CELF2: variants seen among roughly 807,000 people sequenced by gnomAD.
CELF2 encodes CUGBP Elav-like family member 2, also known as CUG triplet repeat RNA-binding protein 2.
A neutral mutation model predicts 62.6 loss-of-function variants in CELF2; 8 were observed. The observed-to-expected ratio is 0.13, with a 90% confidence interval of 0.07 to 0.23. The LOEUF (loss-of-function observed/expected upper bound fraction) is 0.23. CELF2 is among the 10% of genes least tolerant of loss of function. The probability of loss-of-function intolerance (pLI) is 1.00; values close to 1 mark genes in which losing one functional copy is unlikely to be tolerated. For synonymous variants in CELF2, 258 were observed against 250.0 expected, an observed-to-expected ratio of 1.03 and a Z score of -0.30; for missense variants, 333 against 671.0, an observed-to-expected ratio of 0.50 and a Z score of 5.56.
chr10:10,968,514 T>G (rs1022052777), intron 2 of CELF2, among the ~76,000 whole-genome samples: 6 of 152,202 alleles, frequency 3.9e-5, no homozygotes, highest in Non-Finnish European at 8.8e-5. Context: ...ATGAGTATTG[T>G]ATATTTTATT....
intron 1 of CELF2, among the ~76,000 whole-genome samples, chr10:10,879,152 A>G (rs567616324): frequency 1.3e-5 from 2 of 152,234 alleles, no homozygotes; most frequent in Non-Finnish European, 2.9e-5. Flanking sequence ...CCTGCACGGC[A>G]GTGTACTTTC....
chr10:11,265,471 A>C (rs1264451071), intron 5 of CELF2, among the ~76,000 whole-genome samples: 2 of 152,260 alleles, frequency 1.3e-5, no homozygotes, highest in Admixed American at 1.3e-4. Flanking sequence ...TTTTAAAGTC[A>C]TTAGAGATCA....
chr10:10,838,851 G>C (rs2058482863), intron 1 of CELF2, among the ~76,000 whole-genome samples: 1 of 152,006 alleles, frequency 6.6e-6, no homozygotes, highest in Non-Finnish European at 1.5e-5. Flanking sequence ...CTATTTATTA[G>C]AAAATAGGCC....
chr10:10,942,626 C>G lies in CELF2; in HGVS notation c.89+22627C>G, dbSNP rs183847324. Among the ~76,000 whole-genome samples the G allele has an allele frequency of 3.2e-4, 48 of 152,262 alleles. No individual in the cohort carries two copies. The East Asian group carries it at 7.9e-3, about 25-fold the overall frequency. On this transcript the variant is annotated intron_variant, in intron 2 of 13. Transcript: ENST00000636488. ...CATGCCATCCCTGTTACTGCACTCT[C>G]TTCATTATAAATGAGTCATGAGGTT...
the CELF2 span, among the ~76,000 whole-genome samples, chr10:10,529,158 C>T: frequency 6.6e-6 from 1 of 152,196 alleles, no homozygotes; most frequent in African/African-American, 2.4e-5. Context: ...CAGAGTCTAG[C>T]AATGCAGACA....
At chr10:10,576,513 T>A in the CELF2 span, among the ~76,000 whole-genome samples, 1 of 152,194 alleles carries the variant, frequency 6.6e-6, no homozygotes, top group South Asian at 2.1e-4. Flanking sequence ...GAGTCTACTT[T>A]AATTTGCATT....
chr10:11,111,048 C>A (rs1258546295), intron 1 of CELF2, among the ~76,000 whole-genome samples: 2 of 152,198 alleles, frequency 1.3e-5, no homozygotes, highest in South Asian at 2.1e-4. Flanking sequence ...ACTCTCCACC[C>A]TTTTCCATCC....
chr10:11,025,239 G>GTATATATATATATA (rs71378775), intron 1 of CELF2, among the ~76,000 whole-genome samples: 56,947 of 140,496 alleles, frequency 0.41, 13,678 homozygotes, highest in Non-Finnish European at 0.56. Flanking sequence ...GTGTGTGTGT[G>GTATATATATATATA]TATATGTATG....
chr10:10,772,851 T>C, the CELF2 span, among the ~76,000 whole-genome samples: 1 of 152,206 alleles, frequency 6.6e-6, no homozygotes, highest in Non-Finnish European at 1.5e-5. Context: ...AACTCACTAT[T>C]TGAACATCTT....
chr10:11,147,225 C>T (rs759501409), intron 1 of CELF2, among the ~76,000 whole-genome samples: 8 of 152,092 alleles, frequency 5.3e-5, no homozygotes, highest in Non-Finnish European at 8.8e-5. Context: ...TTGGTATTTT[C>T]AGGTTTTTGT....
chr10:11,177,894 G>A lies in CELF2; in HGVS notation c.271+12212G>A, dbSNP rs1180016203. On this transcript the variant is annotated intron_variant, in intron 2 of 12. Transcript: ENST00000633077. The surrounding 1 kb of genome is among the most constrained non-coding windows in gnomAD (Gnocchi z 4.8). ...AGTGTTGTAGGCAGTTGCAGTGCCC[G>A]TCACTCTCTGGGTGAAGCCAGTATG... 2.6e-5 allele frequency among the ~76,000 whole-genome samples: 4 copies of A among 152,144 alleles called. No homozygotes were observed. The highest frequency in any genetic ancestry group is 4.4e-5 in the Non-Finnish European group (3 of 68,036).
chr10:10,974,514 T>C (rs576958658), intron 2 of CELF2, among the ~76,000 whole-genome samples: 1 of 152,274 alleles, frequency 6.6e-6, no homozygotes, highest in South Asian at 2.1e-4. Context: ...TAATAAAAAA[T>C]CTATGAAATG....
upstream of CELF2, among the ~76,000 whole-genome samples, chr10:11,016,875 C>T (rs1394480859): frequency 6.6e-6 from 1 of 152,170 alleles, no homozygotes; most frequent in African/African-American, 2.4e-5. This position sits in a 1 kb window ranked among gnomAD's most constrained non-coding sequence, Gnocchi z 5.2. Flanking sequence ...GATGTCATTA[C>T]AAAATCAAGT....
intron 3 of CELF2, among the ~76,000 whole-genome samples, chr10:11,222,890 A>T (rs887063249): frequency 6.6e-6 from 1 of 152,246 alleles, no homozygotes; most frequent in Admixed American, 6.5e-5. Context: ...AAATTGTTTC[A>T]TAGACACAGA....
intron 2 of CELF2, among the ~76,000 whole-genome samples, chr10:11,202,133 C>T (rs1039232082): frequency 6.6e-6 from 1 of 152,150 alleles, no homozygotes; most frequent in East Asian, 1.9e-4. Context: ...CTCATTTTGA[C>T]AGATGGTGAT....
At chr10:10,854,279 G>A (rs916407356) in intron 1 of CELF2, among the ~76,000 whole-genome samples, 1 of 152,166 alleles carries the variant, frequency 6.6e-6, no homozygotes, top group African/African-American at 2.4e-5. Context: ...ACAATTTGGG[G>A]GAAGGGTGCT....
At position 11,246,958 on chromosome 10, in the gene CELF2, C is replaced by A. The variant is rs889345230; in HGVS notation, c.355-2195C>A. Among the ~76,000 whole-genome samples the A allele has an allele frequency of 6.6e-6, 1 of 152,130 alleles. No homozygotes were observed. The highest frequency in any genetic ancestry group is 6.5e-5 in the Admixed American group (1 of 15,284). Reference sequence around the variant, plus strand: ...TCTGAAACTCTTTGCTCATGCTTTCCCCATTCGGGCAGTCATCCCACAGTC... The same window carrying A: ...TCTGAAACTCTTTGCTCATGCTTTCACCATTCGGGCAGTCATCCCACAGTC... On this transcript the variant is annotated intron_variant, in intron 3 of 12. Coordinates refer to ENST00000633077, the MANE Select transcript of CELF2 (RefSeq NM_001326342.2). The surrounding 1 kb of genome is among the most constrained non-coding windows in gnomAD (Gnocchi z 4.6).
At chr10:10,725,170 G>C in the CELF2 span, among the ~76,000 whole-genome samples, 1 of 152,060 alleles carries the variant, frequency 6.6e-6, no homozygotes, top group African/African-American at 2.4e-5. Flanking sequence ...CTGTATTACT[G>C]ACAAATCAAT....
intron 1 of CELF2, among the ~76,000 whole-genome samples, chr10:11,164,648 A>C (rs1228168013): frequency 6.7e-6 from 1 of 150,284 alleles, no homozygotes; most frequent in Non-Finnish European, 1.5e-5. Flanking sequence ...GTGGGAACTC[A>C]ACTTTCTGGG....
Sources: allele counts gnomAD v4.1 joint callset (sites outside exome capture counted in the v4.1 genomes callset), GRCh38; gene constraint gnomAD v4.1.1; non-coding constraint Gnocchi (gnomAD v3.1); transcripts MANE v1.5; gene names NCBI Gene and HGNC (gene_info 2026-07-23, HGNC 2026-07-21).